Variants in SYNDIG1 observed in about 807,000 individuals in gnomAD.
SYNDIG1 encodes the protein synapse differentiation inducing 1.
In SYNDIG1, 9 loss-of-function variants were observed where a neutral mutation model predicts 19.4. The ratio of observed to expected loss-of-function variants is 0.46; its 90% CI spans 0.28 to 0.81. SYNDIG1 has a LOEUF of 0.81. Ranked by LOEUF, SYNDIG1 falls within the 30% of genes least tolerant of loss-of-function variation. The probability of loss-of-function intolerance (pLI) is 0.12; values close to 1 mark genes in which losing one functional copy is unlikely to be tolerated. For synonymous variants in SYNDIG1, 141 were observed against 145.9 expected (o/e 0.97, Z 0.24); for missense variants, 311 against 343.3 (o/e 0.91, Z 0.74).
intron 1 of SYNDIG1, among the ~76,000 whole-genome samples, chr20:24,507,619 AG>A (rs1376262089): frequency 6.6e-6 from 1 of 152,296 alleles, no homozygotes; most frequent in Non-Finnish European, 1.5e-5. Flanking sequence ...CTTAGTAGGA[AG>A]GTGGCAGCTT....
intron 3 of SYNDIG1, among the ~76,000 whole-genome samples, chr20:24,592,232 G>A (rs371143326): frequency 3.9e-5 from 6 of 152,294 alleles, no homozygotes; most frequent in Admixed American, 2.6e-4. Flanking sequence ...ACAATTTTGG[G>A]ATTTGGGTGT....
intron 1 of SYNDIG1, among the ~76,000 whole-genome samples, chr20:24,510,649 A>T (rs1448497339): frequency 8.6e-5 from 13 of 151,792 alleles, no homozygotes; most frequent in Non-Finnish European, 1.3e-4. Flanking sequence ...TAGTTACTAC[A>T]TTTAGTGTGG....
At chr20:24,654,378 A>C (rs1302094298) in intron 3 of SYNDIG1, among the ~76,000 whole-genome samples, 1 of 152,182 alleles carries the variant, frequency 6.6e-6, no homozygotes, top group Non-Finnish European at 1.5e-5. Flanking sequence ...TTTCAGAGAG[A>C]TAAGGAATGA....
intron 3 of SYNDIG1, among the ~76,000 whole-genome samples, chr20:24,646,259 T>A (rs1298475469): frequency 2.0e-5 from 3 of 152,246 alleles, no homozygotes; most frequent in Non-Finnish European, 4.4e-5. Context: ...CCTATACACA[T>A]CAGTGATTTC....
At position 24,543,473 on chromosome 20, in the gene SYNDIG1, C is replaced by T. The variant is rs929505152; in HGVS notation, c.376C>T (p.Leu126Phe). The T allele has an allele frequency of 1.2e-6, 2 of 1,613,330 alleles. No homozygotes were observed. The highest frequency in any genetic ancestry group is 1.7e-6 in the Non-Finnish European group (2 of 1,180,038). The change falls in exon 2 of 4, where the codon CTC becomes TTC. Residue 126 changes from leucine (L) to phenylalanine (F), a missense_variant. By Grantham distance (22) the Leu-to-Phe change is conservative. Transcript: ENST00000376862. ...IEDRSPTKDS[L>F]EYPDGKFIDL... ...GGACCGGTCGCCCACCAAAGACAGCCTCGAGTACCCGGATGGGAAGTTCAT... is the reference window on the plus strand; with the variant it reads ...GGACCGGTCGCCCACCAAAGACAGCTTCGAGTACCCGGATGGGAAGTTCAT...
chr20:24,491,893 T>A (rs2056159854), intron 1 of SYNDIG1, among the ~76,000 whole-genome samples: 1 of 152,174 alleles, frequency 6.6e-6, no homozygotes, highest in Non-Finnish European at 1.5e-5. Flanking sequence ...GATCGTTTCC[T>A]TCAATGCAAG....
At chr20:24,617,798 G>C (rs2058962304) in intron 3 of SYNDIG1, among the ~76,000 whole-genome samples, 1 of 148,068 alleles carries the variant, frequency 6.8e-6, no homozygotes, top group Non-Finnish European at 1.5e-5. Flanking sequence ...CGGGAAGGGG[G>C]TCCTGGGGGA....
intron 1 of SYNDIG1, among the ~76,000 whole-genome samples, chr20:24,479,135 G>A (rs914320952): frequency 3.3e-5 from 5 of 152,196 alleles, no homozygotes; most frequent in Admixed American, 2.0e-4. Flanking sequence ...CTAAGTTGGT[G>A]CCTAATTAGA....
rs559873996 is a variant in SYNDIG1, at chr20:24,553,891, A to G, written c.480+10314A>G. Among the ~76,000 whole-genome samples the G allele has an allele frequency of 2.6e-5, 4 of 152,272 alleles. No homozygotes were observed. In the Middle Eastern group the frequency reaches 0.01, roughly 388 times the overall value. ...GGAGATGCCATTGAATCTATAAATT[A>G]CCTTGGGCAGTATGGCCATTTTCAC... On this transcript the variant is annotated intron_variant, in intron 2 of 3. Coordinates refer to ENST00000376862, the MANE Select transcript of SYNDIG1 (RefSeq NM_024893.3).
chr20:24,617,686 G>A (rs903461326), intron 3 of SYNDIG1, among the ~76,000 whole-genome samples: 2 of 152,006 alleles, frequency 1.3e-5, no homozygotes, highest in African/African-American at 2.4e-5. Flanking sequence ...AAGAGTAGGC[G>A]AACCCAGGAC....
intron 2 of SYNDIG1, among the ~76,000 whole-genome samples, chr20:24,579,365 G>A (rs2058284587): frequency 6.6e-6 from 1 of 152,202 alleles, no homozygotes; most frequent in Admixed American, 6.5e-5. Context: ...ACTAATAGTG[G>A]CAGAATGTGC....
chr20:24,598,266 C>T (rs2058626811), intron 3 of SYNDIG1, among the ~76,000 whole-genome samples: 1 of 152,190 alleles, frequency 6.6e-6, no homozygotes, highest in South Asian at 2.1e-4. Flanking sequence ...CGCACAATTC[C>T]ACCTAATTCC....
chr20:24,523,509 AT>A (rs1274029452), intron 1 of SYNDIG1, among the ~76,000 whole-genome samples: 2 of 152,228 alleles, frequency 1.3e-5, no homozygotes, highest in Admixed American at 6.5e-5. Context: ...TGTAAATGTT[AT>A]GGCTATAAAC....
intron 1 of SYNDIG1, among the ~76,000 whole-genome samples, chr20:24,542,351 T>G (rs2146715775): frequency 6.6e-6 from 1 of 152,354 alleles, no homozygotes; most frequent in South Asian, 2.1e-4. Flanking sequence ...ACTCATCAGC[T>G]GGGATCGTGT....
At chr20:24,650,587 C>T (rs553910486) in intron 3 of SYNDIG1, among the ~76,000 whole-genome samples, 79 of 152,260 alleles carry the variant, frequency 5.2e-4, no homozygotes, top group African/African-American at 1.8e-3. Context: ...GTGAGAAAAA[C>T]GTCCCTCTCT....
At chr20:24,516,305 T>C (rs987381805) in intron 1 of SYNDIG1, among the ~76,000 whole-genome samples, 25 of 152,134 alleles carry the variant, frequency 1.6e-4, no homozygotes, top group Admixed American at 4.6e-4. Flanking sequence ...CCAAAAGCAA[T>C]GGCAACAAAA....
chr20:24,589,121 G>A (rs2058466255), intron 3 of SYNDIG1, among the ~76,000 whole-genome samples: 1 of 152,180 alleles, frequency 6.6e-6, no homozygotes, highest in Non-Finnish European at 1.5e-5. Flanking sequence ...CTTCATCTAG[G>A]AACTGACATT....
intron 2 of SYNDIG1, among the ~76,000 whole-genome samples, chr20:24,575,807 T>C (rs2058218257): frequency 2.0e-5 from 3 of 152,222 alleles, no homozygotes; most frequent in Non-Finnish European, 4.4e-5. Context: ...TTGAGCATTA[T>C]ACATTAATTT....
At chr20:24,501,992 C>A (rs749768464) in intron 1 of SYNDIG1, among the ~76,000 whole-genome samples, 2 of 152,244 alleles carry the variant, frequency 1.3e-5, no homozygotes, top group Non-Finnish European at 2.9e-5. Flanking sequence ...GAATGGCCCA[C>A]GAGCAGCCCT....
Sources: allele counts gnomAD v4.1 joint callset (sites outside exome capture counted in the v4.1 genomes callset), GRCh38; gene constraint gnomAD v4.1.1; transcripts MANE v1.5; gene names NCBI Gene and HGNC (gene_info 2026-07-23, HGNC 2026-07-21).